KALRN: variants seen among roughly 807,000 people sequenced by gnomAD.
KALRN encodes the protein kalirin RhoGEF kinase, also known as kalirin.
KALRN carries 70 observed loss-of-function variants against 353.7 expected under a neutral mutation model. The ratio of observed to expected loss-of-function variants is 0.20; its 90% CI spans 0.16 to 0.24. The LOEUF is 0.24. Ranked by LOEUF, KALRN falls within the 10% of genes least tolerant of loss-of-function variation. KALRN has a pLI of 1.00. For missense variants in KALRN, 2,791 were observed against 3,756.7 expected (o/e 0.74, Z 6.72); for synonymous variants, 1,391 against 1,434.8 (o/e 0.97, Z 0.69).
rs761601570 is a variant in KALRN at position 124,334,381 on chromosome 3, C to T, written c.1533C>T (p.Asp511=). Residue 511 remains aspartate (D), a synonymous_variant, in exon 9 of 60, where the codon GAC becomes GAT. Transcript: ENST00000682506. The surrounding 1 kb of genome is among the most constrained non-coding windows in gnomAD (Gnocchi z 4.2). ...NYSKAVHQVL[D]VVHEVLHHQR... is the part of the protein sequence containing the mutation. ...CCAAGGCAGTGCACCAGGTGCTGGA[C>T]GTGGTGCATGAGGTGTTACATCACC... 6.2e-6 allele frequency: 10 copies of T among 1,614,220 alleles called. No homozygotes were observed. Among genetic ancestry groups the T allele is most frequent in the Admixed American group, 3.3e-5 (2 of 60,028 alleles).
At chr3:124,589,876 A>G (rs1046400314) in intron 34 of KALRN, among the ~76,000 whole-genome samples, 6 of 152,150 alleles carry the variant, frequency 3.9e-5, no homozygotes, top group Admixed American at 2.0e-4. Flanking sequence ...GCATCCCACA[A>G]ATACAGTATT....
chr3:124,526,617 CA>C (rs1240348021), intron 33 of KALRN, among the ~76,000 whole-genome samples: 50 of 152,062 alleles, frequency 3.3e-4, no homozygotes, highest in African/African-American at 1.2e-3. Flanking sequence ...CATATGGGAG[CA>C]GGGGTAGGAG....
chr3:124,719,052 C>T lies in KALRN; in HGVS notation c.8543C>T (p.Ala2848Val). 2 of 1,614,178 alleles carry T rather than the reference C, an allele frequency of 1.2e-6. No homozygotes were observed. The highest frequency in any genetic ancestry group is 1.7e-6 in the Non-Finnish European group (2 of 1,180,034). Residue 2848 changes from alanine to valine, a missense_variant, in exon 60 of 60, where the codon GCC becomes GTC. Physicochemically the swap from Ala to Val is moderately conservative, Grantham distance 64. Around this residue, in one of 11 missense-constraint regions of KALRN, gnomAD observed 188 missense variants for 402.9 expected, o/e 0.47. Coordinates refer to ENST00000682506, the MANE Select transcript of KALRN (RefSeq NM_001388419.1). The surrounding 1 kb of genome is among the most constrained non-coding windows in gnomAD (Gnocchi z 5.3). ...HHLLGNPEFA[A>V]PEVIQGIPVS... ...CTGCTGGGGAACCCTGAGTTTGCTG[C>T]CCCAGAAGTCATTCAAGGCATCCCC...
intron 34 of KALRN, among the ~76,000 whole-genome samples, chr3:124,589,230 G>A (rs1291997168): frequency 1.3e-5 from 2 of 152,190 alleles, no homozygotes; most frequent in African/African-American, 4.8e-5. Context: ...GATAAATGGA[G>A]TTTAATATGT....
chr3:124,608,082 C>G (rs190934221), intron 34 of KALRN, among the ~76,000 whole-genome samples: 116 of 150,880 alleles, frequency 7.7e-4, no homozygotes, highest in African/African-American at 2.8e-3. Context: ...GATCTCGGCT[C>G]ACTCCAGCCT....
At chr3:124,623,820 G>A (rs1378830279) in intron 34 of KALRN, among the ~76,000 whole-genome samples, 1 of 152,186 alleles carries the variant, frequency 6.6e-6, no homozygotes, top group Non-Finnish European at 1.5e-5. Context: ...GGCTACCTAA[G>A]TAGAAGAAGG....
intron 10 of KALRN, among the ~76,000 whole-genome samples, chr3:124,352,666 G>GT (rs1212069326): frequency 3.4e-5 from 5 of 149,018 alleles, no homozygotes; most frequent in African/African-American, 9.8e-5. Flanking sequence ...AACCCTTGTG[G>GT]TTTTTTTGTT....
intron 37 of KALRN, among the ~76,000 whole-genome samples, chr3:124,642,812 T>TTTTTGTTGTTGTTG (rs1559750075): frequency 7.2e-6 from 1 of 138,304 alleles, no homozygotes; most frequent in African/African-American, 2.8e-5. Context: ...CCTCGTTTTT[T>TTTTTGTTGTTGTTG]TTTTTTTTTT....
chr3:124,087,056 T>A (rs1269366457), intron 1 of KALRN, among the ~76,000 whole-genome samples: 2 of 152,306 alleles, frequency 1.3e-5, no homozygotes, highest in East Asian at 3.9e-4. Context: ...GGCATCAGAT[T>A]TTTTTTGCTT....
chr3:124,144,637 C>A (rs973836532), intron 1 of KALRN, among the ~76,000 whole-genome samples: 3 of 150,862 alleles, frequency 2.0e-5, no homozygotes, highest in African/African-American at 7.3e-5. Context: ...TCTTCCTCAT[C>A]CTCCTCCTCT....
At chr3:124,356,690 C>T (rs1340892800) in intron 10 of KALRN, among the ~76,000 whole-genome samples, 3 of 152,162 alleles carry the variant, frequency 2.0e-5, no homozygotes, top group Non-Finnish European at 4.4e-5. Context: ...CCCACTTCTG[C>T]CTTTTAAAGC....
At position 124,632,577 on chromosome 3, in the gene KALRN, T is replaced by G. The variant is rs1660038; in HGVS notation, c.5340T>G (p.Leu1780=). 4.2e-5 allele frequency: 67 copies of G among 1,613,936 alleles called. No homozygotes were observed. The African/African-American group carries it at 7.6e-4, about 18-fold the overall frequency. ...KKWLTSPVRR[L]NSGKADGNIK... ...GGCTGACGAGTCCTGTGCGTCGGCTTAACAGCGGGAAGGCAGATGGAAACA... is the reference window on the plus strand; with the variant it reads ...GGCTGACGAGTCCTGTGCGTCGGCTGAACAGCGGGAAGGCAGATGGAAACA... Residue 1780 remains leucine (L), a synonymous_variant, in exon 35 of 60, where the codon CTT becomes CTG. Transcript: ENST00000682506.
intron 18 of KALRN, among the ~76,000 whole-genome samples, chr3:124,439,739 T>C (rs1476166678): frequency 6.6e-6 from 1 of 152,222 alleles, no homozygotes; most frequent in Admixed American, 6.5e-5. Flanking sequence ...CCCTGCCTTC[T>C]GAGGGAGGAA....
At position 124,605,586 on chromosome 3, in the gene KALRN, A is replaced by AGAGAGAG. The variant is rs1393448627; in HGVS notation, c.5183-26834_5183-26833insGAGAGAG. ...GGACTCCATCTAAAAAAAAAAAAAA[A>AGAGAGAG]AGAGAGAGAGAGAATAGGTGCATTA... On this transcript the variant is annotated intron_variant, in intron 34 of 59. Transcript: ENST00000682506. 5.6e-4 allele frequency among the ~76,000 whole-genome samples: 79 copies of AGAGAGAG among 142,322 alleles called. 3 individuals carry two copies. In the East Asian group the frequency reaches 0.013, roughly 23 times the overall value. The allele number at this position is 142,322 out of a possible 152,430, so 93.4% of individuals were successfully genotyped here.
chr3:124,463,289 A>C (rs9817308), intron 25 of KALRN, among the ~76,000 whole-genome samples: 58,762 of 152,176 alleles, frequency 0.39, 12,224 homozygotes, highest in Middle Eastern at 0.51. Context: ...CCAAAATACA[A>C]ATAGAATCTC....
intron 5 of KALRN, among the ~76,000 whole-genome samples, chr3:124,288,932 G>A (rs777618713): frequency 5.9e-5 from 9 of 152,190 alleles, no homozygotes; most frequent in Non-Finnish European, 1.2e-4. Context: ...TATTAATATT[G>A]AGTCCATAGA....
chr3:124,093,206 G>T (rs148451596), intron 1 of KALRN, among the ~76,000 whole-genome samples: 1 of 152,252 alleles, frequency 6.6e-6, no homozygotes, highest in East Asian at 1.9e-4. Context: ...TCAGAAATCT[G>T]CACCCTCTCT....
chr3:124,482,602 A>C (rs2062099231), intron 27 of KALRN, among the ~76,000 whole-genome samples: 3 of 138,668 alleles, frequency 2.2e-5, no homozygotes, highest in Non-Finnish European at 3.2e-5. Context: ...CTCCCTTTTT[A>C]CTCTCTCTCC....
At chr3:124,118,417 C>G (rs900538788) in intron 1 of KALRN, among the ~76,000 whole-genome samples, 14 of 152,116 alleles carry the variant, frequency 9.2e-5, no homozygotes, top group African/African-American at 3.4e-4. Context: ...TAGGATTATG[C>G]CATCTCTGTG....
Sources: gnomAD v4.1 joint callset for allele counts (sites outside exome capture counted in the v4.1 genomes callset) on GRCh38, gnomAD v4.1.1 for gene constraint, gnomAD v4.1.1 regional missense constraint, Gnocchi (gnomAD v3.1) non-coding constraint, MANE v1.5 for transcripts, NCBI Gene and HGNC (gene_info 2026-07-23, HGNC 2026-07-21) for gene names.